Variants in ABCC3 observed in about 807,000 individuals in gnomAD.
The protein encoded by ABCC3 is ATP binding cassette subfamily C member 3, also known as ATP-binding cassette sub-family C member 3.
A neutral mutation model predicts 165.3 loss-of-function variants in ABCC3; 121 were observed. That is an observed-to-expected ratio of 0.73 (90% confidence interval 0.63 to 0.85). ABCC3 has a LOEUF of 0.85. Among genes scored for constraint, ABCC3 ranks in the 40% least tolerant of loss-of-function variants. The pLI, the probability that ABCC3 is intolerant of heterozygous loss-of-function variation, is 0.00. For missense variants in ABCC3, 1,869 were observed against 1,964.1 expected (o/e 0.95, Z 0.92); for synonymous variants, 733 against 810.1 (o/e 0.90, Z 1.62).
chr17:50,651,817 A>T (rs374431395), intron 1 of ABCC3, among the ~76,000 whole-genome samples: 46 of 152,218 alleles, frequency 3.0e-4, no homozygotes, highest in African/African-American at 1.1e-3. Flanking sequence ...TTCAACACTT[A>T]TGCTTGGATT....
chr17:50,680,297 T>A (rs1466555098), intron 26 of ABCC3, among the ~76,000 whole-genome samples: 1 of 152,064 alleles, frequency 6.6e-6, no homozygotes, highest in Non-Finnish European at 1.5e-5. Context: ...GGGTGGGCAG[T>A]GGGAAGGTGA....
chr17:50,673,384 C>A, intron 18 of ABCC3, 85 bp from the exon 19 acceptor site: 2 of 1,522,584 alleles, frequency 1.3e-6, no homozygotes, highest in South Asian at 2.5e-5. Flanking sequence ...CATGGGCACA[C>A]TTCACACTCA....
intron 11 of ABCC3, among the ~76,000 whole-genome samples, 154 bp downstream of exon 11, chr17:50,665,399 C>G (rs1967501394): frequency 6.6e-6 from 1 of 152,198 alleles, no homozygotes; most frequent in Non-Finnish European, 1.5e-5. Flanking sequence ...ACTCTTCCCT[C>G]ACAGCTCTCA....
Position 50,691,154 on chromosome 17 carries a change from C to T in ABCC3, c.4538C>T (p.Ala1513Val). ...EFDSPANLIA[A>V]RGIFYGMARD... ...GATTCTCCAGCCAACCTCATTGCAG[C>T]TAGAGGCATCTTCTACGGGATGGCC... Residue 1513 changes from alanine (A) to valine (V), a missense_variant, in exon 31 of 31, where the codon GCT (alanine) becomes GTT (valine). Coordinates refer to ENST00000285238, the MANE Select transcript of ABCC3 (RefSeq NM_003786.4). 1 of 1,614,186 alleles carries T rather than the reference C, an allele frequency of 6.2e-7. No individual in the cohort carries two copies. The highest frequency in any genetic ancestry group is 8.5e-7 in the Non-Finnish European group (1 of 1,180,004).
Position 50,658,153 on chromosome 17 carries a change from C to T in ABCC3, c.558C>T (p.Ile186=), listed in dbSNP as rs1189946154. ...IHFALVLSAL[I]LACFREKPPF... ...TTGCCCTGGTACTCTCTGCCCTCATCTTGGCCTGCTTCAGGGAGAAACCTC... is the reference window on the plus strand; with the variant it reads ...TTGCCCTGGTACTCTCTGCCCTCATTTTGGCCTGCTTCAGGGAGAAACCTC... Residue 186 remains isoleucine (I), a synonymous_variant, in exon 5 of 31, where the codon ATC becomes ATT. Coordinates refer to ENST00000285238, the MANE Select transcript of ABCC3 (RefSeq NM_003786.4). 8 of 1,614,234 alleles carry T rather than the reference C, an allele frequency of 5.0e-6. 1 individual carries two copies. The highest frequency in any genetic ancestry group is 6.8e-6 in the Non-Finnish European group (8 of 1,180,038).
chr17:50,673,692 C>T (rs1295281746), intron 19 of ABCC3, 34 bp downstream of exon 19: 4 of 1,604,076 alleles, frequency 2.5e-6, no homozygotes, highest in Admixed American at 1.7e-5. Flanking sequence ...GATTCCCATG[C>T]CTTCCCAGCA....
Position 50,684,808 on chromosome 17 carries a change from C to A in ABCC3, c.4213C>A (p.His1405Asn). The change falls in exon 29 of 31, where the codon CAC becomes AAC. Residue 1405 changes from histidine (H) to asparagine (N), a missense_variant. Transcript: ENST00000285238. ...GTGGGCTTTGGAGCTGTCCCACCTG[C>A]ACACGTTTGTGAGCTCCCAGCCGGC... ...IWWALELSHL[H>N]TFVSSQPAGL... 6.2e-7 allele frequency: 1 copy of A among 1,614,176 alleles called. No individual in the cohort carries two copies. Among genetic ancestry groups the A allele is most frequent in the Non-Finnish European group, 8.5e-7 (1 of 1,180,028 alleles).
At chr17:50,688,983 A>C (rs1968072314) in intron 30 of ABCC3, among the ~76,000 whole-genome samples, 1 of 151,786 alleles carries the variant, frequency 6.6e-6, no homozygotes, top group Non-Finnish European at 1.5e-5. Context: ...CAGGCAGATC[A>C]TTTGAGGTCA....
intron 1 of ABCC3, among the ~76,000 whole-genome samples, chr17:50,652,979 C>T (rs940366388): frequency 4.6e-5 from 7 of 152,196 alleles, no homozygotes; most frequent in Non-Finnish European, 2.9e-5. Context: ...GGTACCCTTA[C>T]TTGGTCACTA....
At chr17:50,661,458 G>C (rs948625850) in intron 8 of ABCC3, among the ~76,000 whole-genome samples, 4 of 152,222 alleles carry the variant, frequency 2.6e-5, no homozygotes, top group African/African-American at 9.6e-5. Context: ...ACTTGGCCAA[G>C]GGCACACAGC....
chr17:50,637,358 G>A lies in ABCC3; in HGVS notation c.45+2377G>A, dbSNP rs114593181. On this transcript the variant is annotated intron_variant, in intron 1 of 30. Coordinates refer to ENST00000285238, the MANE Select transcript of ABCC3 (RefSeq NM_003786.4). ...GAGAGAGAGTCTACACTGGAAGCTG[G>A]ATCCTCTGCCACAGCCTAATTACAA... Among the ~76,000 whole-genome samples, 644 of 152,232 alleles carry A rather than the reference G, an allele frequency of 4.2e-3. 2 individuals carry two copies. Among genetic ancestry groups the A allele is most frequent in the African/African-American group, 0.015 (612 of 41,514 alleles).
rs1230748124 is a variant in ABCC3, at chr17:50,658,114, C to T, written c.519C>T (p.Thr173=). The T allele has an allele frequency of 1.2e-6, 2 of 1,614,228 alleles. No homozygotes were observed. The highest frequency in any genetic ancestry group is 2.2e-5 in the South Asian group (2 of 91,088). The change falls in exon 5 of 31, where the codon ACC becomes ACT. Residue 173 remains threonine, a synonymous_variant. Transcript: ENST00000285238. ...TCTCAGACCCCTTCCGCTTCACCAC[C>T]TTCTACATCCACTTTGCCCTGGTAC... ...GEISDPFRFT[T]FYIHFALVLS...
At chr17:50,668,982 C>A in intron 15 of ABCC3, 63 bp downstream of exon 15, 1 of 1,597,062 alleles carries the variant, frequency 6.3e-7, no homozygotes, top group Non-Finnish European at 8.6e-7. Flanking sequence ...AGATCAATAG[C>A]AGCACCCTGC....
At chr17:50,687,437 C>T in intron 29 of ABCC3, 99 bp from the exon 30 acceptor site, 1 of 1,222,306 alleles carries the variant, frequency 8.2e-7, no homozygotes, top group South Asian at 1.4e-5. Flanking sequence ...AGACAGAAAA[C>T]CAGTCCTGGG....
rs1276207644 is a variant in ABCC3, at chr17:50,674,986, GACGGGGTTTC to G, written c.2600-373_2600-364del. Among the ~76,000 whole-genome samples, 3 of 151,914 alleles carry G rather than the reference GACGGGGTTTC, an allele frequency of 2.0e-5. No homozygotes were observed. In the East Asian group the frequency reaches 5.8e-4, roughly 29 times the overall value. On this transcript the variant is annotated intron_variant, in intron 19 of 30. Transcript: ENST00000285238. ...GGCTAATTTTTGTATTTTTAGTAGA[GACGGGGTTTC>G]ACCATGTTGGCCAGGCTGGTCTCGA...
Position 50,641,119 on chromosome 17 carries a change from G to A in ABCC3, c.45+6138G>A, listed in dbSNP as rs142951689. Among the ~76,000 whole-genome samples, 776 of 152,338 alleles carry A rather than the reference G, an allele frequency of 5.1e-3. 3 individuals carry two copies. Among genetic ancestry groups the A allele is most frequent in the African/African-American group, 0.018 (740 of 41,578 alleles). The stretch of plus-strand genomic sequence containing the variant: ...GGGGTCCTCACCCCCCGCCCCCATC[G>A]CCTGTATGAGTCTGCAGTGATTTCA... On this transcript the variant is annotated intron_variant, in intron 1 of 30. Transcript: ENST00000285238.
In ABCC3 at chr17:50,683,969, T is replaced by A; in HGVS notation, c.3975T>A (p.Thr1325=). The A allele has an allele frequency of 6.2e-7, 1 of 1,613,354 alleles. No homozygotes were observed. The highest frequency in any genetic ancestry group is 8.5e-7 in the Non-Finnish European group (1 of 1,179,680). The stretch of plus-strand genomic sequence containing the variant: ...CCCAGGTGGGGATCGTGGGCCGCAC[T>A]GGGGCTGGCAAGTCTTCCATGACCC... ...GGEKVGIVGR[T]GAGKSSMTLC... is the part of the protein sequence containing the mutation. The change falls in exon 28 of 31, where the codon ACT becomes ACA. Residue 1325 remains threonine, a synonymous_variant. Transcript: ENST00000285238.
chr17:50,675,706 G>A lies in ABCC3; in HGVS notation c.2790G>A (p.Glu930=). 6.4e-7 allele frequency: 1 copy of A among 1,569,082 alleles called. No homozygotes were observed. The highest frequency in any genetic ancestry group is 8.6e-7 in the Non-Finnish European group (1 of 1,156,816). ...PVPRRHLGPS[E]KVQVTEAKAD... is the part of the protein sequence containing the mutation. ...CCCGGAGGCACCTGGGTCCATCAGA[G>A]AAGGTGCAGGTGACAGAGGCGAAGG... The change falls in exon 21 of 31, where the codon GAG becomes GAA. Residue 930 remains glutamate (E), a synonymous_variant. Coordinates refer to ENST00000285238, the MANE Select transcript of ABCC3 (RefSeq NM_003786.4).
In ABCC3 at chr17:50,656,823, C is replaced by A. The variant is rs754195007; in HGVS notation, c.344C>A (p.Thr115Asn). The A allele has an allele frequency of 3.1e-6, 5 of 1,609,030 alleles. No homozygotes were observed. Among genetic ancestry groups the A allele is most frequent in the Non-Finnish European group, 1.7e-6 (2 of 1,177,860 alleles). ...FFVTPLVVGV[T>N]MLLATLLIQY... is the part of the protein sequence containing the mutation. ...GTCACCCCCTTGGTGGTGGGGGTCA[C>A]CATGGTCAGTGTGGGGCCCTGGGAA... is the stretch of plus-strand genomic sequence containing the variant. The change falls in exon 3 of 31, where the codon ACC becomes AAC. Residue 115 changes from threonine (T) to asparagine (N), a missense_variant. Transcript: ENST00000285238.
Sources: allele counts gnomAD v4.1 joint callset (sites outside exome capture counted in the v4.1 genomes callset), GRCh38; gene constraint gnomAD v4.1.1; transcripts MANE v1.5; gene names NCBI Gene and HGNC (gene_info 2026-07-23, HGNC 2026-07-21).